The following SNCAIP variants were observed in gnomAD, a reference collection of about 807,000 sequenced individuals.
The protein encoded by SNCAIP is synuclein alpha interacting protein.
SNCAIP carries 43 observed loss-of-function variants against 86.7 expected under a neutral mutation model. The ratio of observed to expected loss-of-function variants is 0.50; its 90% CI spans 0.39 to 0.64. The LOEUF is 0.64. Among genes scored for constraint, SNCAIP ranks in the 30% least tolerant of loss-of-function variants. The pLI, the probability that SNCAIP is intolerant of heterozygous loss-of-function variation, is 0.00. For missense variants in SNCAIP, 981 were observed against 1,103.1 expected (o/e 0.89, Z 1.57); for synonymous variants, 417 against 427.2 (o/e 0.98, Z 0.29).
At chr5:122,407,816 G>A (rs1360263126) in intron 3 of SNCAIP, among the ~76,000 whole-genome samples, 1 of 152,126 alleles carries the variant, frequency 6.6e-6, no homozygotes, top group Non-Finnish European at 1.5e-5. Context: ...GATCTTTGAA[G>A]GTAATCCTCC....
At chr5:122,367,453 G>A (rs758765848) in intron 1 of SNCAIP, among the ~76,000 whole-genome samples, 26 of 152,282 alleles carry the variant, frequency 1.7e-4, no homozygotes, top group Non-Finnish European at 3.5e-4. Context: ...GAAAAGACGG[G>A]ATGAAATCCA....
chr5:122,386,115 T>C (rs1443935805), intron 1 of SNCAIP, among the ~76,000 whole-genome samples: 1 of 152,212 alleles, frequency 6.6e-6, no homozygotes, highest in Non-Finnish European at 1.5e-5. Flanking sequence ...GGAAATTTTG[T>C]TGGCCACTAT....
At chr5:122,361,865 TATCAGTACA>T (rs1294949871) in intron 1 of SNCAIP, among the ~76,000 whole-genome samples, 1 of 152,224 alleles carries the variant, frequency 6.6e-6, no homozygotes, top group Non-Finnish European at 1.5e-5. Flanking sequence ...TCATACCATT[TATCAGTACA>T]ATCAGCTTTT....
intron 1 of SNCAIP, chr5:122,321,613 A>C (rs1351600442): frequency 6.6e-6 from 1 of 152,246 alleles, no homozygotes; most frequent in African/African-American, 2.4e-5. Context: ...CAGTGGGTAC[A>C]TGGTGAATCA....
chr5:122,451,940 A>G (rs1467585380), intron 10 of SNCAIP: 4 of 268,634 alleles, frequency 1.5e-5, no homozygotes, highest in Non-Finnish European at 2.9e-5. Flanking sequence ...CAATTAGCGC[A>G]AGTTTAGTCC....
chr5:122,356,985 A>G (rs536312079), intron 1 of SNCAIP, among the ~76,000 whole-genome samples: 1 of 152,156 alleles, frequency 6.6e-6, no homozygotes, highest in African/African-American at 2.4e-5. Context: ...TGTGCATCAC[A>G]GTAAATTCCA....
At chr5:122,342,347 G>A (rs776161475) in intron 1 of SNCAIP, among the ~76,000 whole-genome samples, 1 of 151,942 alleles carries the variant, frequency 6.6e-6, no homozygotes, top group Non-Finnish European at 1.5e-5. Context: ...CAGGGCACGG[G>A]TCCTCAGGGA....
At chr5:122,420,229 A>G (rs1019110153) in intron 3 of SNCAIP, among the ~76,000 whole-genome samples, 1 of 152,208 alleles carries the variant, frequency 6.6e-6, no homozygotes. Flanking sequence ...TGTTTTCGTA[A>G]GACCCAGACA....
chr5:122,319,473 T>C (rs1348771175), intron 1 of SNCAIP, among the ~76,000 whole-genome samples: 2 of 152,136 alleles, frequency 1.3e-5, no homozygotes, highest in Admixed American at 1.3e-4. Context: ...CATAGATAAA[T>C]AGAAGGAGCT....
rs935439047 is a variant in SNCAIP, at chr5:122,461,335, G to T, written c.2755-2156G>T. Among the ~76,000 whole-genome samples the T allele has an allele frequency of 3.3e-5, 5 of 152,096 alleles. 1 individual carries two copies. On this transcript the variant is annotated intron_variant, in intron 10 of 10. Coordinates refer to ENST00000261368, the MANE Select transcript of SNCAIP (RefSeq NM_005460.4). ...GGTCTGTTTTCATTCCTGGGCTGTG[G>T]GCACTCAGCAAGCTTTTTCAATCTG...
chr5:122,445,040 C>T lies in SNCAIP; in HGVS notation c.1592+308C>T, dbSNP rs574496941. The T allele has an allele frequency of 5.8e-5, 24 of 411,644 alleles. No individual in the cohort carries two copies. In the East Asian group the frequency reaches 9.9e-4, roughly 17 times the overall value. 25.5% of individuals were successfully genotyped at this position (411,644 alleles called of 1,614,324 possible). A position where few individuals can be genotyped will look rare whatever the true frequency, so the allele number is the denominator to read the frequency against. On this transcript the variant is annotated intron_variant, in intron 8 of 10. Transcript: ENST00000261368. ...CACAACTCAGGGCCAGATTACAGAG[C>T]GCTGGAAGCACTCATAGGCATCATC...
rs3749629 is a variant in SNCAIP at position 122,451,833 on chromosome 5, T to A, written c.2754+232T>A. ...TAAGAGAGAAAGGTTAAAAAAAAAA[T>A]AAGAGATTATATTCTGGTCCATAAA... On this transcript the variant is annotated intron_variant, in intron 10 of 10. Transcript: ENST00000261368. The A allele has an allele frequency of 2.6e-3, 1,311 of 495,048 alleles. 27 individuals carry two copies. In the East Asian group the frequency reaches 0.038, roughly 14 times the overall value. The allele number at this position is 495,048 out of a possible 1,614,324, so 30.7% of individuals were successfully genotyped here. A position where few individuals can be genotyped will look rare whatever the true frequency, so the allele number is the denominator to read the frequency against.
intron 2 of SNCAIP, among the ~76,000 whole-genome samples, chr5:122,402,998 C>A (rs750500581): frequency 6.6e-6 from 1 of 152,150 alleles, no homozygotes; most frequent in Non-Finnish European, 1.5e-5. Context: ...TTTTAAAACA[C>A]CCTCCTCTAA....
chr5:122,342,914 A>G (rs575967034), intron 1 of SNCAIP, among the ~76,000 whole-genome samples: 1 of 152,342 alleles, frequency 6.6e-6, no homozygotes, highest in African/African-American at 2.4e-5. Flanking sequence ...TTTGTAAAAG[A>G]TATCTGCAAT....
chr5:122,317,959 C>T (rs1752126678), intron 1 of SNCAIP, among the ~76,000 whole-genome samples: 1 of 151,994 alleles, frequency 6.6e-6, no homozygotes, highest in Non-Finnish European at 1.5e-5. Flanking sequence ...TTCAATCCAT[C>T]CTCCTCACCG....
chr5:122,360,886 C>G (rs1026731546), intron 1 of SNCAIP, among the ~76,000 whole-genome samples: 8 of 151,706 alleles, frequency 5.3e-5, no homozygotes, highest in Non-Finnish European at 1.0e-4. Flanking sequence ...TCCTCATTAT[C>G]TGAATAATCA....
intron 3 of SNCAIP, among the ~76,000 whole-genome samples, chr5:122,422,110 G>A (rs1048429944): frequency 2.0e-5 from 3 of 151,266 alleles, no homozygotes; most frequent in South Asian, 2.1e-4. Context: ...GGGCAGTATT[G>A]AATCCTAAAG....
At chr5:122,442,201 C>A (rs1315076029) in intron 7 of SNCAIP, among the ~76,000 whole-genome samples, 1 of 132,770 alleles carries the variant, frequency 7.5e-6, no homozygotes, top group Admixed American at 9.2e-5. Context: ...CAGGTACTTA[C>A]TGAGGCCCTC....
At chr5:122,344,533 TGAG>T (rs1758219220) in intron 1 of SNCAIP, among the ~76,000 whole-genome samples, 1 of 151,996 alleles carries the variant, frequency 6.6e-6, no homozygotes, top group Non-Finnish European at 1.5e-5. Context: ...TACAAGGAAA[TGAG>T]GAGAGAAAGC....
Sources: allele counts gnomAD v4.1 joint callset (sites outside exome capture counted in the v4.1 genomes callset), GRCh38; gene constraint gnomAD v4.1.1; transcripts MANE v1.5; gene names NCBI Gene and HGNC (gene_info 2026-07-23, HGNC 2026-07-21).